The following TRHDE variants were observed in gnomAD, a reference collection of about 807,000 sequenced individuals.
TRHDE encodes thyrotropin-releasing hormone-degrading ectoenzyme.
A neutral mutation model predicts 125.7 loss-of-function variants in TRHDE; 72 were observed. That is an observed-to-expected ratio of 0.57 (90% confidence interval 0.47 to 0.70). The LOEUF (loss-of-function observed/expected upper bound fraction) is 0.70, where lower values mean the gene tolerates loss of function less well. Ranked by LOEUF, TRHDE falls within the 30% of genes least tolerant of loss-of-function variation. The pLI is 0.00. For synonymous variants in TRHDE, 509 were observed against 509.1 expected, an observed-to-expected ratio of 1.00 and a Z score of 0.00; for missense variants, 1,110 against 1,327.1, an observed-to-expected ratio of 0.84 and a Z score of 2.54.
At position 72,664,304 on chromosome 12, in the gene TRHDE, T is replaced by TA. The variant is rs1875032476; in HGVS notation, c.*1116dup. ...CCTTATGCTGAGTAGTCCAGAGAGT[T>TA]AAAAAAATTCTCTGCATGTTGGTCT... On this transcript the variant is annotated 3_prime_UTR_variant, in exon 19 of 19. Transcript: ENST00000261180. 1 of 152,490 alleles carries TA rather than the reference T, an allele frequency of 6.6e-6. No homozygotes were observed. The highest frequency in any genetic ancestry group is 2.1e-4 in the South Asian group (1 of 4,826). The allele number at this position is 152,490 out of a possible 1,614,324, so 9.4% of individuals were successfully genotyped here.
At chr12:72,363,617 G>A in intron 2 of TRHDE, among the ~76,000 whole-genome samples, 1 of 152,024 alleles carries the variant, frequency 6.6e-6, no homozygotes, top group Non-Finnish European at 1.5e-5. Context: ...GATGGGACAT[G>A]TCTCAAAATA....
intron 3 of TRHDE, among the ~76,000 whole-genome samples, chr12:72,385,693 C>T (rs1872380790): frequency 1.3e-5 from 2 of 152,050 alleles, no homozygotes; most frequent in South Asian, 4.1e-4. Context: ...TCATTAATTA[C>T]TCTATAATAT....
chr12:72,187,503 T>TGGA (rs1565658242), intron 2 of TRHDE, among the ~76,000 whole-genome samples: 4 of 136,830 alleles, frequency 2.9e-5, no homozygotes, highest in African/African-American at 1.1e-4. Context: ...GTGGTGGTGG[T>TGGA]GGTGGAGGAG....
At chr12:72,137,473 A>G (rs1462379491) in intron 2 of TRHDE, 1 of 152,152 alleles carries the variant, frequency 6.6e-6, no homozygotes, top group Non-Finnish European at 1.5e-5. Context: ...GGTTCTGGCC[A>G]TTTTACTTGT....
upstream of TRHDE, among the ~76,000 whole-genome samples, chr12:72,268,833 T>C (rs370271168): frequency 2.6e-5 from 4 of 152,252 alleles, no homozygotes. Context: ...ATTTTTACTT[T>C]TACAAGCCCC....
chr12:72,474,900 AG>A (rs1876820407), intron 5 of TRHDE, among the ~76,000 whole-genome samples: 1 of 152,192 alleles, frequency 6.6e-6, no homozygotes, highest in African/African-American at 2.4e-5. Flanking sequence ...ATGTGAAGAT[AG>A]TAATACCATA....
At chr12:72,574,940 G>A (rs951626978) in intron 10 of TRHDE, among the ~76,000 whole-genome samples, 4 of 152,062 alleles carry the variant, frequency 2.6e-5, no homozygotes, top group Admixed American at 2.0e-4. Context: ...ATTAGAAGTT[G>A]CCTGAATACA....
At chr12:72,451,174 G>A (rs1875551716) in intron 3 of TRHDE, among the ~76,000 whole-genome samples, 2 of 152,044 alleles carry the variant, frequency 1.3e-5, no homozygotes, top group Admixed American at 6.6e-5. Flanking sequence ...TGCTTTTGAG[G>A]TTGTATCCAA....
At chr12:72,296,596 G>C (rs1041091081) in intron 2 of TRHDE, among the ~76,000 whole-genome samples, 3 of 151,288 alleles carry the variant, frequency 2.0e-5, no homozygotes, top group African/African-American at 7.3e-5. Context: ...AGCCATGTGG[G>C]TGCCTTTATT....
At chr12:72,126,588 A>T (rs928393982) in intron 2 of TRHDE, among the ~76,000 whole-genome samples, 4 of 152,194 alleles carry the variant, frequency 2.6e-5, no homozygotes, top group African/African-American at 9.6e-5. Context: ...AAGTCTACAA[A>T]AATAAGTAAT....
intron 2 of TRHDE, among the ~76,000 whole-genome samples, chr12:72,132,648 C>A (rs1875891313): frequency 6.6e-6 from 1 of 152,156 alleles, no homozygotes; most frequent in Admixed American, 6.5e-5. Context: ...CACATCAAAC[C>A]TTGGTGTTTG....
At chr12:72,604,931 C>G (rs1447650914) in intron 12 of TRHDE, among the ~76,000 whole-genome samples, 1 of 152,028 alleles carries the variant, frequency 6.6e-6, no homozygotes, top group African/African-American at 2.4e-5. Context: ...ACATCATTAT[C>G]ATTACTTTTT....
In TRHDE at chr12:72,238,337, C is replaced by CA. The variant is rs1565670032; in HGVS notation, n.279+132586dup. Among the ~76,000 whole-genome samples the CA allele has an allele frequency of 1.4e-3, 22 of 15,772 alleles. 3 individuals are homozygous for CA. The highest frequency in any genetic ancestry group is 2.7e-3 in the Non-Finnish European group (18 of 6,602). The allele number at this position is 15,772 out of a possible 152,430, so 10.3% of individuals were successfully genotyped here. A position where few individuals can be genotyped will look rare whatever the true frequency, so the allele number is the denominator to read the frequency against. On this transcript the variant is annotated intron_variant and non_coding_transcript_variant, in intron 2 of 4. Coordinates refer to the TRHDE transcript ENST00000548156. ...ATATATATATACATATATATATACA[C>CA]ATTATATATATATATATATATATAT...
intron 2 of TRHDE, among the ~76,000 whole-genome samples, chr12:72,239,065 C>G (rs1266267214): frequency 3.3e-5 from 5 of 152,146 alleles, no homozygotes; most frequent in African/African-American, 1.2e-4. Context: ...TGTTTCCTGA[C>G]TTTTTAATGA....
intron 2 of TRHDE, among the ~76,000 whole-genome samples, chr12:72,171,492 G>A (rs751241355): frequency 1.3e-5 from 2 of 152,138 alleles, no homozygotes; most frequent in African/African-American, 2.4e-5. Flanking sequence ...GCAGATTCCC[G>A]GCAGAATCTC....
chr12:72,154,525 G>A (rs1876456474), intron 2 of TRHDE, among the ~76,000 whole-genome samples: 1 of 152,182 alleles, frequency 6.6e-6, no homozygotes, highest in Non-Finnish European at 1.5e-5. Flanking sequence ...TTTTGCAGTG[G>A]CTGATACTGG....
At chr12:72,421,082 C>G (rs752391861) in intron 3 of TRHDE, among the ~76,000 whole-genome samples, 4 of 151,814 alleles carry the variant, frequency 2.6e-5, no homozygotes, top group African/African-American at 4.8e-5. Context: ...GGTATCATTT[C>G]TATACCAAAT....
At chr12:72,317,248 A>C (rs552690216) in intron 2 of TRHDE, among the ~76,000 whole-genome samples, 6 of 152,286 alleles carry the variant, frequency 3.9e-5, no homozygotes, top group Admixed American at 3.9e-4. Flanking sequence ...AAGATGACCA[A>C]GGTTTAATCT....
Position 72,216,867 on chromosome 12 carries a change from C to T in TRHDE, n.279+111115C>T, listed in dbSNP as rs555565594. Among the ~76,000 whole-genome samples, 18 of 151,806 alleles carry T rather than the reference C, an allele frequency of 1.2e-4. No individual in the cohort carries two copies. The East Asian group carries it at 2.9e-3, about 25-fold the overall frequency. ...AAAAATTTACATAAATTGAATTCTT[C>T]GAATTTCGTTTTAATGGTATTGGTC... is the stretch of plus-strand genomic sequence containing the variant. On this transcript the variant is annotated intron_variant and non_coding_transcript_variant, in intron 2 of 4. Coordinates refer to the TRHDE transcript ENST00000548156.
Sources: gnomAD v4.1 joint callset for allele counts (sites outside exome capture counted in the v4.1 genomes callset) on GRCh38, gnomAD v4.1.1 for gene constraint, MANE v1.5 for transcripts, NCBI Gene and HGNC (gene_info 2026-07-23, HGNC 2026-07-21) for gene names.